The following GTF2IRD1 variants were observed in gnomAD, a reference collection of about 807,000 sequenced individuals.
GTF2IRD1 encodes the protein GTF2I repeat domain containing 1.
A neutral mutation model predicts 113.2 loss-of-function variants in GTF2IRD1; 26 were observed. The ratio of observed to expected loss-of-function variants is 0.23; its 90% CI spans 0.17 to 0.32. The LOEUF is 0.32. GTF2IRD1 is among the 10% of genes least tolerant of loss of function. The pLI is 1.00. For missense variants in GTF2IRD1, 864 were observed against 1,280.8 expected, an observed-to-expected ratio of 0.67 and a Z score of 4.97; for synonymous variants, 484 against 529.1, an observed-to-expected ratio of 0.91 and a Z score of 1.17.
intron 1 of GTF2IRD1, among the ~76,000 whole-genome samples, chr7:74,482,389 G>A (rs1484608208): frequency 1.3e-5 from 2 of 151,674 alleles, no homozygotes; most frequent in Non-Finnish European, 2.9e-5. Context: ...CACCACACAT[G>A]GCTAAATTTT....
intron 1 of GTF2IRD1, among the ~76,000 whole-genome samples, chr7:74,491,311 CTTTTTTTTTTTT>C (rs1178298791): frequency 3.1e-5 from 3 of 95,692 alleles, no homozygotes; most frequent in African/African-American, 8.0e-5. Context: ...AAAAAAAATT[CTTTTTTTTTTTT>C]TTTTTTTTTT....
chr7:74,472,986 G>A (rs540726777), intron 1 of GTF2IRD1, among the ~76,000 whole-genome samples: 2 of 152,330 alleles, frequency 1.3e-5, no homozygotes, highest in South Asian at 2.1e-4. Context: ...CTGCAACACC[G>A]CAGCGGAGGA....
At chr7:74,577,259 G>A (rs1801130017) in intron 22 of GTF2IRD1, among the ~76,000 whole-genome samples, 2 of 152,018 alleles carry the variant, frequency 1.3e-5, no homozygotes, top group African/African-American at 4.8e-5. Context: ...GACTAGTCTT[G>A]AACTCCTGGC....
At chr7:74,575,993 C>A (rs1459189257) in intron 22 of GTF2IRD1, among the ~76,000 whole-genome samples, 1 of 151,396 alleles carries the variant, frequency 6.6e-6, no homozygotes, top group Non-Finnish European at 1.5e-5. Flanking sequence ...CATAGCAAGA[C>A]CCCATCTCTA....
chr7:74,550,726 A>G, intron 17 of GTF2IRD1, among the ~76,000 whole-genome samples: 1 of 152,054 alleles, frequency 6.6e-6, no homozygotes, highest in East Asian at 1.9e-4. Flanking sequence ...TGGGCAATGT[A>G]TCAAGACCCC....
intron 20 of GTF2IRD1, 136 bp from the exon 21 acceptor site, chr7:74,558,725 A>G (rs1343810509): frequency 3.2e-6 from 2 of 630,852 alleles, no homozygotes; most frequent in Non-Finnish European, 5.5e-6. Context: ...CCACAGTGCT[A>G]CACTACATAA....
At chr7:74,585,262 C>T (rs1801656418) in intron 22 of GTF2IRD1, among the ~76,000 whole-genome samples, 1 of 151,224 alleles carries the variant, frequency 6.6e-6, no homozygotes, top group African/African-American at 2.4e-5. Context: ...CAGGCATGCA[C>T]CACCACGCCC....
At chr7:74,454,620 C>T (rs1792841044) in intron 1 of GTF2IRD1, among the ~76,000 whole-genome samples, 1 of 151,976 alleles carries the variant, frequency 6.6e-6, no homozygotes, top group African/African-American at 2.4e-5. Flanking sequence ...TCTGGGCCAG[C>T]CCCTGGCCCG....
At chr7:74,469,868 C>T in intron 1 of GTF2IRD1, among the ~76,000 whole-genome samples, 1 of 151,310 alleles carries the variant, frequency 6.6e-6, no homozygotes, top group Non-Finnish European at 1.5e-5. Context: ...CCACCCCTGA[C>T]TAATTTTTAA....
intron 1 of GTF2IRD1, among the ~76,000 whole-genome samples, chr7:74,454,683 T>TGG (rs1554326704): frequency 6.6e-6 from 1 of 151,222 alleles, no homozygotes. Context: ...CCCAGCAGGG[T>TGG]GGTTCCTGTA....
rs782633198 is a variant in GTF2IRD1, at chr7:74,519,483, C to T, written c.680C>T (p.Ser227Leu). The T allele has an allele frequency of 6.2e-7, 1 of 1,605,132 alleles. No individual in the cohort carries two copies. The highest frequency in any genetic ancestry group is 8.5e-7 in the Non-Finnish European group (1 of 1,175,792). ...LNGVSLIPKG[S>L]RDCGLHGQAP... ...GGTGTCTCCCTGATTCCCAAGGGGT[C>T]ACGGGACTGTGGCCTGCATGGCCAG... is the stretch of plus-strand genomic sequence containing the variant. Residue 227 changes from serine to leucine, a missense_variant, in exon 6 of 27, where the codon TCA becomes TTA. By Grantham distance (145) the Ser-to-Leu change is moderately radical. Coordinates refer to ENST00000424337, the MANE Select transcript of GTF2IRD1 (RefSeq NM_005685.4).
intron 1 of GTF2IRD1, among the ~76,000 whole-genome samples, chr7:74,462,202 C>T (rs547885349): frequency 6.5e-4 from 99 of 151,992 alleles, no homozygotes; most frequent in African/African-American, 2.3e-3. Flanking sequence ...AGCAAGACCC[C>T]GTCTCTTAAA....
chr7:74,518,190 T>G lies in GTF2IRD1; in HGVS notation c.473T>G (p.Leu158Arg). ...SVVPLPYERL[L>R]REPGLLAVQG... ...GTGCCACTGCCCTATGAGAGGCTGC[T>G]CAGGGAGCCAGGGCTGCTGGCCGTG... is the stretch of plus-strand genomic sequence containing the variant. The change falls in exon 5 of 27, where the codon CTC becomes CGC. Residue 158 changes from leucine to arginine, a missense_variant. By Grantham distance (102) the Leu-to-Arg change is moderately radical. Coordinates refer to ENST00000424337, the MANE Select transcript of GTF2IRD1 (RefSeq NM_005685.4). 1 of 1,610,232 alleles carries G rather than the reference T, an allele frequency of 6.2e-7. No homozygotes were observed. Among genetic ancestry groups the G allele is most frequent in the Middle Eastern group, 1.7e-4 (1 of 5,864 alleles).
chr7:74,591,119 A>G, intron 24 of GTF2IRD1, 102 bp downstream of exon 24: 1 of 661,234 alleles, frequency 1.5e-6, no homozygotes, highest in East Asian at 2.6e-5. Flanking sequence ...ACCCAGGTGT[A>G]CTGTAATAGT....
chr7:74,495,662 G>A (rs1554337659), intron 1 of GTF2IRD1, among the ~76,000 whole-genome samples: 1 of 152,172 alleles, frequency 6.6e-6, no homozygotes, highest in African/African-American at 2.4e-5. Flanking sequence ...AGGGGCTGAG[G>A]GAGCCCAACC....
At chr7:74,569,541 A>G (rs1800561273) in intron 22 of GTF2IRD1, among the ~76,000 whole-genome samples, 1 of 152,198 alleles carries the variant, frequency 6.6e-6, no homozygotes, top group Non-Finnish European at 1.5e-5. Flanking sequence ...CAAAGCTAGT[A>G]ACTTGAGCTT....
chr7:74,537,693 G>T (rs1798382245), intron 11 of GTF2IRD1, among the ~76,000 whole-genome samples: 1 of 152,084 alleles, frequency 6.6e-6, no homozygotes, highest in Admixed American at 6.6e-5. Flanking sequence ...TCCCTGGGAG[G>T]GAGGGAATTA....
chr7:74,545,632 T>G, intron 15 of GTF2IRD1, 112 bp from the exon 16 acceptor site: 9 of 545,718 alleles, frequency 1.6e-5, no homozygotes, highest in South Asian at 1.5e-5. Context: ...AGCCCCAGCC[T>G]TCCCCCATTC....
chr7:74,596,195 CT>C (rs1554372214), intron 25 of GTF2IRD1, among the ~76,000 whole-genome samples: 25 of 152,198 alleles, frequency 1.6e-4, no homozygotes, highest in African/African-American at 6.0e-4. Context: ...GGCGCGGTGG[CT>C]CACGCGTGTA....
Sources: allele counts gnomAD v4.1 joint callset (sites outside exome capture counted in the v4.1 genomes callset), GRCh38; gene constraint gnomAD v4.1.1; transcripts MANE v1.5; gene names NCBI Gene and HGNC (gene_info 2026-07-23, HGNC 2026-07-21).